The following RASGRF2 variants were observed in gnomAD, a reference collection of about 807,000 sequenced individuals.
RASGRF2 encodes the protein Ras protein specific guanine nucleotide releasing factor 2, also known as ras-specific guanine nucleotide-releasing factor 2.
A neutral mutation model predicts 151.0 loss-of-function variants in RASGRF2; 76 were observed. That is an observed-to-expected ratio of 0.50 (90% CI 0.42 to 0.61). The LOEUF is 0.61. RASGRF2 is among the 20% of genes least tolerant of loss of function. RASGRF2 has a pLI of 0.00. For missense variants in RASGRF2, 1,148 were observed against 1,564.6 expected, an observed-to-expected ratio of 0.73 and a Z score of 4.49; for synonymous variants, 504 against 566.5, an observed-to-expected ratio of 0.89 and a Z score of 1.57.
intron 1 of RASGRF2, among the ~76,000 whole-genome samples, chr5:80,971,561 C>A (rs1205080347): frequency 2.7e-5 from 4 of 147,988 alleles, no homozygotes. Flanking sequence ...TGCCACCACA[C>A]CTGGTATTTT....
In RASGRF2 at chr5:81,127,149, A is replaced by C. The variant is rs142915704; in HGVS notation, c.2672A>C (p.His891Pro). The change falls in exon 17 of 27, where the codon CAT (histidine) becomes CCT (proline). Residue 891 changes from histidine to proline, a missense_variant. His to Pro is a moderately conservative substitution (Grantham distance 77). Coordinates refer to ENST00000265080, the MANE Select transcript of RASGRF2 (RefSeq NM_006909.3). Reference sequence around the variant, plus strand: ...GCAATAGCCACAGCTGCAGCAGGACATGGGAGTCCACCAGGTGAGTAGGGG... The same window carrying C: ...GCAATAGCCACAGCTGCAGCAGGACCTGGGAGTCCACCAGGTGAGTAGGGG... ...AFAIATAAAG[H>P]GSPPGFNNTE... 1 of 1,613,812 alleles carries C rather than the reference A, an allele frequency of 6.2e-7. No homozygotes were observed. The highest frequency in any genetic ancestry group is 1.3e-5 in the African/African-American group (1 of 74,924).
intron 17 of RASGRF2, 30 bp downstream of exon 17, chr5:81,127,193 T>C (rs1358117291): frequency 1.9e-6 from 3 of 1,584,812 alleles, no homozygotes; most frequent in South Asian, 1.1e-5. Flanking sequence ...TGTACAGATA[T>C]GTGACCATTT....
At chr5:81,202,201 C>T (rs1428556277) in intron 19 of RASGRF2, among the ~76,000 whole-genome samples, 1 of 152,174 alleles carries the variant, frequency 6.6e-6, no homozygotes, top group Non-Finnish European at 1.5e-5. Flanking sequence ...AGCTTCCCAG[C>T]TCACTCATAA....
At chr5:80,970,541 AG>A (rs1198642292) in intron 1 of RASGRF2, among the ~76,000 whole-genome samples, 1 of 144,422 alleles carries the variant, frequency 6.9e-6, no homozygotes, top group Admixed American at 6.8e-5. Context: ...CTTTCCTCAT[AG>A]GTTTTTTTCC....
chr5:81,184,114 T>C (rs1754974759), intron 18 of RASGRF2, among the ~76,000 whole-genome samples: 1 of 152,216 alleles, frequency 6.6e-6, no homozygotes. Context: ...CTGGAGGTCA[T>C]TTTCTAGCCT....
intron 2 of RASGRF2, among the ~76,000 whole-genome samples, chr5:81,054,865 G>A (rs1250078816): frequency 1.3e-5 from 2 of 150,814 alleles, no homozygotes; most frequent in Non-Finnish European, 2.9e-5. Context: ...TGGATTCCTA[G>A]GTATTTTATT....
chr5:81,043,193 AAGTAGT>A (rs1297149619), intron 2 of RASGRF2, among the ~76,000 whole-genome samples: 1 of 152,304 alleles, frequency 6.6e-6, no homozygotes, highest in East Asian at 1.9e-4. Flanking sequence ...TGATAATAAT[AAGTAGT>A]AGTAGTAGTC....
intron 10 of RASGRF2, 138 bp from the exon 11 acceptor site, chr5:81,094,158 G>T (rs368523123): frequency 6.4e-6 from 4 of 620,786 alleles, no homozygotes; most frequent in African/African-American, 5.7e-5. Flanking sequence ...TTTAATTTTG[G>T]GCTCTATGAA....
intron 2 of RASGRF2, among the ~76,000 whole-genome samples, chr5:81,062,019 A>C (rs1751457284): frequency 6.6e-6 from 1 of 150,402 alleles, no homozygotes; most frequent in Non-Finnish European, 1.5e-5. Context: ...AAAAAAAAAA[A>C]AAAAACTGTA....
chr5:80,971,991 TC>T lies in RASGRF2; in HGVS notation c.288+10968del, dbSNP rs1747952677. ...CTTAAGTGATCCTCCCACCTTGGCC[TC>T]CCAAAGTGCTGGGATTACAGGCATG... On this transcript the variant is annotated intron_variant, in intron 1 of 26. Coordinates refer to ENST00000265080, the MANE Select transcript of RASGRF2 (RefSeq NM_006909.3). Among the ~76,000 whole-genome samples the T allele has an allele frequency of 3.9e-5, 6 of 152,188 alleles. No homozygotes were observed. In the South Asian group the frequency reaches 1.0e-3, roughly 26 times the overall value.
At chr5:80,999,979 G>A (rs1003806913) in intron 1 of RASGRF2, among the ~76,000 whole-genome samples, 3 of 152,188 alleles carry the variant, frequency 2.0e-5, no homozygotes, top group Non-Finnish European at 4.4e-5. Context: ...TGATGGGGAG[G>A]TCTCTTCTGT....
chr5:81,027,696 A>G (rs1368924588), intron 1 of RASGRF2, among the ~76,000 whole-genome samples: 1 of 152,262 alleles, frequency 6.6e-6, no homozygotes, highest in Admixed American at 6.5e-5. Flanking sequence ...TAAAAATAGG[A>G]GAAAAATGAA....
intron 17 of RASGRF2, among the ~76,000 whole-genome samples, chr5:81,159,530 C>T (rs959704591): frequency 6.6e-6 from 1 of 152,186 alleles, no homozygotes; most frequent in African/African-American, 2.4e-5. Context: ...TCTATAAAGA[C>T]AGAAAACCGA....
intron 15 of RASGRF2, among the ~76,000 whole-genome samples, chr5:81,118,612 G>A (rs577218418): frequency 6.6e-6 from 1 of 152,228 alleles, no homozygotes; most frequent in South Asian, 2.1e-4. Context: ...AGGTCACTTG[G>A]CCACAGCCTT....
chr5:81,037,122 A>G (rs980115977), intron 1 of RASGRF2, among the ~76,000 whole-genome samples: 1 of 152,186 alleles, frequency 6.6e-6, no homozygotes, highest in African/African-American at 2.4e-5. Context: ...TTTATTCACT[A>G]TCATGAGAAC....
intron 17 of RASGRF2, among the ~76,000 whole-genome samples, chr5:81,163,134 C>T (rs1277368943): frequency 6.6e-6 from 1 of 152,240 alleles, no homozygotes; most frequent in South Asian, 2.1e-4. Context: ...TGACTCCACA[C>T]CTGGAGGCTG....
At chr5:81,160,191 G>T (rs1448272824) in intron 17 of RASGRF2, among the ~76,000 whole-genome samples, 1 of 152,146 alleles carries the variant, frequency 6.6e-6, no homozygotes. Flanking sequence ...AGGCCAAGGC[G>T]GGTGGATCAC....
rs373953497 is a variant in RASGRF2, at chr5:81,057,338, C to T, written c.396-10694C>T. Among the ~76,000 whole-genome samples, 35 of 152,212 alleles carry T rather than the reference C, an allele frequency of 2.3e-4. 1 individual carries two copies. The East Asian group carries it at 3.1e-3, about 13-fold the overall frequency. On this transcript the variant is annotated intron_variant, in intron 2 of 26. Transcript: ENST00000265080. ...TTTGCTGTAGTTTGCTTCATATATA[C>T]GTCCTCAGTCAAAATAAGTGGGGTG... is the stretch of plus-strand genomic sequence containing the variant.
At chr5:81,219,940 A>G (rs75274100) in intron 26 of RASGRF2, 162 bp downstream of exon 26, 2 of 555,222 alleles carry the variant, frequency 3.6e-6, no homozygotes, top group African/African-American at 1.9e-5. Context: ...AAAAAAAAAA[A>G]AGAACATCAA....
Sources: gnomAD v4.1 joint callset for allele counts (sites outside exome capture counted in the v4.1 genomes callset) on GRCh38, gnomAD v4.1.1 for gene constraint, MANE v1.5 for transcripts, NCBI Gene and HGNC (gene_info 2026-07-23, HGNC 2026-07-21) for gene names.